The following ACER1 variants were observed in gnomAD, a reference collection of about 807,000 sequenced individuals.
ACER1 encodes alkaline ceramidase 1, also known as CTB-180A7.3.
In ACER1, 28 loss-of-function variants were observed where a neutral mutation model predicts 24.9. The observed-to-expected ratio is 1.13, with a 90% CI of 0.83 to 1.54. The LOEUF (loss-of-function observed/expected upper bound fraction) is 1.54, where lower values mean the gene tolerates loss of function less well. Among genes scored for constraint, ACER1 ranks in the 40% most tolerant of loss-of-function variants. ACER1 has a pLI of 0.00. For synonymous variants in ACER1, 132 were observed against 131.4 expected (o/e 1.00, Z -0.03); for missense variants, 352 against 349.3 (o/e 1.01, Z -0.06).
the ACER1 span, among the ~76,000 whole-genome samples, chr19:6,354,081 T>C: frequency 1.3e-5 from 2 of 150,564 alleles, no homozygotes; most frequent in Non-Finnish European, 3.0e-5. Context: ...ACTCAGGAGT[T>C]TGAGGCAGGA....
intron 1 of ACER1, among the ~76,000 whole-genome samples, chr19:6,325,149 T>A (rs2091654814): frequency 6.6e-6 from 1 of 152,158 alleles, no homozygotes; most frequent in Admixed American, 6.5e-5. Context: ...CCCCACATCA[T>A]GACTCTCCTC....
chr19:6,319,089 G>T (rs1160070852), intron 1 of ACER1, among the ~76,000 whole-genome samples: 6 of 152,020 alleles, frequency 3.9e-5, no homozygotes, highest in Admixed American at 3.3e-4. Context: ...AATAGCTGGG[G>T]CTGCTGCTGT....
At chr19:6,318,866 A>AT (rs1043795376) in intron 1 of ACER1, among the ~76,000 whole-genome samples, 6 of 150,300 alleles carry the variant, frequency 4.0e-5, no homozygotes, top group African/African-American at 1.5e-4. Context: ...GAAAAAAAAA[A>AT]GAAAACAAAG....
At chr19:6,354,670 A>G in the ACER1 span, among the ~76,000 whole-genome samples, 7 of 152,210 alleles carry the variant, frequency 4.6e-5, no homozygotes, top group African/African-American at 1.7e-4. Flanking sequence ...CTGTAATCCC[A>G]GCACTTTGGG....
At chr19:6,317,730 G>GT (rs991854472) in intron 1 of ACER1, among the ~76,000 whole-genome samples, 3 of 151,712 alleles carry the variant, frequency 2.0e-5, no homozygotes, top group African/African-American at 7.3e-5. Flanking sequence ...TTGTTGTTTT[G>GT]TTTTTTGTTT....
At chr19:6,328,857 T>A (rs1428288092) in intron 1 of ACER1, among the ~76,000 whole-genome samples, 1 of 151,534 alleles carries the variant, frequency 6.6e-6, no homozygotes, top group Non-Finnish European at 1.5e-5. Flanking sequence ...GTAATTTTGA[T>A]AGAGATGGGG....
At chr19:6,335,906 C>CTTTTCTTTTTTTTTTTTTTTTTTT (rs1555717055), upstream of ACER1, among the ~76,000 whole-genome samples, 1 of 141,556 alleles carries the variant, frequency 7.1e-6, no homozygotes, top group African/African-American at 2.6e-5. Context: ...TTTTTCTTTT[C>CTTTTCTTTTTTTTTTTTTTTTTTT]TTTTTTTTTT....
the ACER1 span, among the ~76,000 whole-genome samples, chr19:6,359,432 A>G: frequency 6.6e-6 from 1 of 150,548 alleles, no homozygotes; most frequent in Non-Finnish European, 1.5e-5. Context: ...GATTCTCCTG[A>G]CTCAGCCTCC....
chr19:6,352,453 G>C, the ACER1 span, among the ~76,000 whole-genome samples: 2 of 152,192 alleles, frequency 1.3e-5, no homozygotes, highest in African/African-American at 4.8e-5. Context: ...TATGTGAGTG[G>C]AGAATGTTCC....
At chr19:6,313,917 G>A (rs1018312118) in intron 1 of ACER1, among the ~76,000 whole-genome samples, 3 of 152,226 alleles carry the variant, frequency 2.0e-5, no homozygotes, top group African/African-American at 7.2e-5. Context: ...GATGCCAGAG[G>A]AGGGCCAGTG....
At chr19:6,327,904 A>G (rs111972381) in intron 1 of ACER1, among the ~76,000 whole-genome samples, 21,711 of 151,224 alleles carry the variant, frequency 0.14, 2,978 homozygotes, top group African/African-American at 0.37. Flanking sequence ...GTGAAACCCC[A>G]TCTCTACTAA....
chr19:6,333,502 CT>C lies in ACER1; in HGVS notation c.49del (p.Ser17AlafsTer27), dbSNP rs774652671. On this transcript the variant is annotated frameshift_variant, in exon 1 of 6. Coordinates refer to ENST00000301452, the MANE Select transcript of ACER1 (RefSeq NM_133492.3). LOFTEE classifies it high-confidence loss of function. ...YQSSEVDWCE[S>X]NFQYSELVAE... ...CACCAGCTCCGAGTACTGGAAGTTG[CT>C]CTCACACCAGTCCACCTCGGAGCTC... The C allele has an allele frequency of 6.3e-7, 1 of 1,594,294 alleles. No individual in the cohort carries two copies. The highest frequency in any genetic ancestry group is 8.5e-7 in the Non-Finnish European group (1 of 1,169,882).
intron 4 of ACER1, 71 bp downstream of exon 4, chr19:6,309,626 C>A: frequency 6.3e-7 from 1 of 1,592,576 alleles, no homozygotes; most frequent in East Asian, 2.2e-5. Context: ...GTCCCCTCCG[C>A]GAGCCTGGAG....
At chr19:6,346,221 T>C in the ACER1 span, among the ~76,000 whole-genome samples, 1 of 152,160 alleles carries the variant, frequency 6.6e-6, no homozygotes, top group East Asian at 1.9e-4. Flanking sequence ...AATTCAAATT[T>C]AAATGAGCCT....
Position 6,323,216 on chromosome 19 carries a change from A to G in ACER1, c.93+10243T>C, listed in dbSNP as rs112927466. ...CAGGCAGATCACGAAGTCAGGAGAT[A>G]GAGACCATCATGGCTAACACAGTGA... On this transcript the variant is annotated intron_variant, in intron 1 of 5. Coordinates refer to ENST00000301452, the MANE Select transcript of ACER1 (RefSeq NM_133492.3). Among the ~76,000 whole-genome samples, 9 of 152,182 alleles carry G rather than the reference A, an allele frequency of 5.9e-5. 1 individual carries two copies. The highest frequency in any genetic ancestry group is 2.6e-4 in the Admixed American group (4 of 15,254).
chr19:6,347,109 A>T, the ACER1 span, among the ~76,000 whole-genome samples: 4,063 of 113,692 alleles, frequency 0.036, 95 homozygotes, highest in Non-Finnish European at 0.043. Flanking sequence ...AAAAAAAAAA[A>T]ATATATATAT....
Position 6,306,774 on chromosome 19 carries a change from C to G in ACER1, c.735G>C (p.Arg245=). ...GETLKVRYWP[R]DSWPVGLPYV... ...AGGGCAGCCCCACGGGCCAACTGTCCCGAGGCCAGTAGCGGACTTTGAGGG... is the reference window on the plus strand; with the variant it reads ...AGGGCAGCCCCACGGGCCAACTGTCGCGAGGCCAGTAGCGGACTTTGAGGG... Residue 245 remains arginine, a synonymous_variant, in exon 6 of 6, where the codon CGG becomes CGC. Coordinates refer to ENST00000301452, the MANE Select transcript of ACER1 (RefSeq NM_133492.3). 6.2e-7 allele frequency: 1 copy of G among 1,614,128 alleles called. No individual in the cohort carries two copies. The highest frequency in any genetic ancestry group is 1.1e-5 in the South Asian group (1 of 91,078).
intron 1 of ACER1, among the ~76,000 whole-genome samples, chr19:6,327,992 C>T (rs756297625): frequency 6.6e-6 from 1 of 151,348 alleles, no homozygotes; most frequent in South Asian, 2.1e-4. Flanking sequence ...AGGAGAATTG[C>T]TTGAACCTGG....
At chr19:6,314,904 AT>A (rs938670175) in intron 1 of ACER1, among the ~76,000 whole-genome samples, 10 of 140,126 alleles carry the variant, frequency 7.1e-5, no homozygotes, top group Non-Finnish European at 1.3e-4. Flanking sequence ...TTATTTATTT[AT>A]TTTTGAGATG....
Sources: gnomAD v4.1 joint callset for allele counts (sites outside exome capture counted in the v4.1 genomes callset) on GRCh38, gnomAD v4.1.1 for gene constraint, MANE v1.5 for transcripts, NCBI Gene and HGNC (gene_info 2026-07-23, HGNC 2026-07-21) for gene names.